GLUD1: variants seen among roughly 807,000 people sequenced by gnomAD.
GLUD1 encodes glutamate dehydrogenase 1.
GLUD1 carries 22 observed loss-of-function variants against 56.0 expected under a neutral mutation model. The observed-to-expected ratio is 0.39, with a 90% CI of 0.28 to 0.56. The LOEUF (loss-of-function observed/expected upper bound fraction) is 0.56, where lower values mean the gene tolerates loss of function less well. Ranked by LOEUF, GLUD1 falls within the 20% of genes least tolerant of loss-of-function variation. GLUD1 has a pLI of 0.58. For missense variants in GLUD1, 451 were observed against 732.0 expected, an observed-to-expected ratio of 0.62 and a Z score of 4.43; for synonymous variants, 223 against 269.9, an observed-to-expected ratio of 0.83 and a Z score of 1.70.
At chr10:87,090,310 T>C (rs1028309328) in intron 1 of GLUD1, among the ~76,000 whole-genome samples, 1 of 152,258 alleles carries the variant, frequency 6.6e-6, no homozygotes, top group African/African-American at 2.4e-5. Flanking sequence ...ACTTAAACAC[T>C]ACAAGTTGTA....
intron 1 of GLUD1, among the ~76,000 whole-genome samples, chr10:87,078,579 T>C (rs959302282): frequency 2.0e-5 from 3 of 152,198 alleles, no homozygotes; most frequent in Non-Finnish European, 4.4e-5. Flanking sequence ...GGCACTCAAA[T>C]ACATGCCGAA....
intron 1 of GLUD1, among the ~76,000 whole-genome samples, chr10:87,081,285 C>A (rs1445967844): frequency 1.3e-5 from 2 of 149,204 alleles, no homozygotes; most frequent in African/African-American, 2.5e-5. Flanking sequence ...AGTGAGGAGC[C>A]CCTCTGCCCG....
At position 87,094,203 on chromosome 10, in the gene GLUD1, G is replaced by T; in HGVS notation, c.445+122C>A. 1 of 1,398,096 alleles carries T rather than the reference G, an allele frequency of 7.2e-7. No homozygotes were observed. Among genetic ancestry groups the T allele is most frequent in the East Asian group, 2.5e-5 (1 of 39,866 alleles). 86.6% of individuals were successfully genotyped at this position (1,398,096 alleles called of 1,614,324 possible). On this transcript the variant is annotated intron_variant, in intron 1 of 12. Transcript: ENST00000277865. This position sits in a 1 kb window ranked among gnomAD's most constrained non-coding sequence, Gnocchi z 6.6. ...ATCCGAGGCGGGGTGACCCGGGCGG[G>T]GACCCGGCCCGCTCCAGCTGGGCTG...
At chr10:87,068,040 CG>C in intron 5 of GLUD1, 22 bp downstream of exon 5, 2 of 1,394,932 alleles carry the variant, frequency 1.4e-6, no homozygotes, top group Non-Finnish European at 2.0e-6. Flanking sequence ...GCAGAAGCCT[CG>C]GGGCTTCCAG....
intron 4 of GLUD1, among the ~76,000 whole-genome samples, chr10:87,070,473 C>A (rs963976813): frequency 6.6e-6 from 1 of 152,072 alleles, no homozygotes; most frequent in Non-Finnish European, 1.5e-5. Context: ...GAGGCACATG[C>A]CCATAGTCCC....
intron 1 of GLUD1, among the ~76,000 whole-genome samples, chr10:87,086,862 G>C (rs77431765): frequency 1.6e-4 from 24 of 149,638 alleles, no homozygotes; most frequent in Non-Finnish European, 3.3e-4. Context: ...GGAAAAAATT[G>C]TTTTTTCTCA....
intron 10 of GLUD1, among the ~76,000 whole-genome samples, chr10:87,058,736 C>A (rs2133791170): frequency 6.6e-6 from 1 of 152,140 alleles, no homozygotes; most frequent in East Asian, 1.9e-4. Context: ...ATTAAAAATA[C>A]AAAAATTAGC....
chr10:87,057,994 G>A (rs1441738458), intron 10 of GLUD1, among the ~76,000 whole-genome samples: 4 of 152,148 alleles, frequency 2.6e-5, no homozygotes, highest in South Asian at 2.1e-4. Flanking sequence ...TCAGCCTTGC[G>A]AGTAGCTGGG....
chr10:87,052,781 A>G (rs1845672462), intron 12 of GLUD1, among the ~76,000 whole-genome samples: 1 of 151,790 alleles, frequency 6.6e-6, no homozygotes, highest in African/African-American at 2.4e-5. Flanking sequence ...CTTTGAAAGG[A>G]TGAATTTATA....
chr10:87,086,414 TTATC>T (rs1424332956), intron 1 of GLUD1, among the ~76,000 whole-genome samples: 1 of 152,198 alleles, frequency 6.6e-6, no homozygotes, highest in African/African-American at 2.4e-5. Flanking sequence ...TCAAAATGTT[TTATC>T]TGTCTTTTCT....
At chr10:87,093,635 C>T (rs1841597946) in intron 1 of GLUD1, among the ~76,000 whole-genome samples, 1 of 152,188 alleles carries the variant, frequency 6.6e-6, no homozygotes, top group Non-Finnish European at 1.5e-5. Context: ...CAGCCTACAA[C>T]CTGTAAATTT....
intron 11 of GLUD1, among the ~76,000 whole-genome samples, chr10:87,053,839 C>A (rs1211390667): frequency 2.0e-5 from 3 of 152,254 alleles, no homozygotes; most frequent in Admixed American, 2.0e-4. Context: ...TCTGATTAAA[C>A]CCCATAGCGG....
chr10:87,079,903 CCCCTCCCCCTCCCCCTCT>C (rs1359449610), intron 1 of GLUD1, among the ~76,000 whole-genome samples: 1 of 104,986 alleles, frequency 9.5e-6, no homozygotes, highest in East Asian at 3.4e-4. Context: ...CCTCTCCCTC[CCCCTCCCCCTCCCCCTCT>C]CCCTCCCCCT....
chr10:87,060,606 A>G, intron 8 of GLUD1, 82 bp downstream of exon 8: 1 of 1,547,344 alleles, frequency 6.5e-7, no homozygotes, highest in Non-Finnish European at 8.9e-7. Flanking sequence ...AAAGAAAGAG[A>G]AAACTCAATC....
Position 87,060,735 on chromosome 10 carries a change from T to C in GLUD1, c.1150A>G (p.Ser384Gly). 6.2e-7 allele frequency: 1 copy of C among 1,614,218 alleles called. No homozygotes were observed. The highest frequency in any genetic ancestry group is 8.5e-7 in the Non-Finnish European group (1 of 1,180,036). ...ADCDILIPAA[S>G]EKQLTKSNAP... is the part of the protein sequence containing the mutation. ...TTGGATTTGGTCAACTGCTTCTCACTGGCAGCTGGGATCAGTATGTCACAG... is the reference window on the plus strand; with the variant it reads ...TTGGATTTGGTCAACTGCTTCTCACCGGCAGCTGGGATCAGTATGTCACAG... The change falls in exon 8 of 13, where the codon AGT (serine) becomes GGT (glycine). Residue 384 changes from serine (S) to glycine (G), a missense_variant. Physicochemically the swap from Ser to Gly is moderately conservative, Grantham distance 56. Coordinates refer to ENST00000277865, the MANE Select transcript of GLUD1 (RefSeq NM_005271.5).
At chr10:87,063,824 G>A (rs967808594) in intron 5 of GLUD1, among the ~76,000 whole-genome samples, 1 of 152,072 alleles carries the variant, frequency 6.6e-6, no homozygotes, top group African/African-American at 2.4e-5. Flanking sequence ...GGTTAGCTCT[G>A]CAAAGTGGAG....
chr10:87,080,706 C>G (rs1471227564), intron 1 of GLUD1, among the ~76,000 whole-genome samples: 1 of 151,366 alleles, frequency 6.6e-6, no homozygotes, highest in Non-Finnish European at 1.5e-5. Context: ...GCCCGGCAAC[C>G]GCCCCGTCTG....
chr10:87,082,941 C>T (rs755486389), intron 1 of GLUD1, among the ~76,000 whole-genome samples: 5 of 152,118 alleles, frequency 3.3e-5, no homozygotes, highest in African/African-American at 7.2e-5. Context: ...CTAAGGGACA[C>T]GAAGAGATTT....
chr10:87,094,301 G>C lies in GLUD1; in HGVS notation c.445+24C>G, dbSNP rs745444255. The C allele has an allele frequency of 6.3e-7, 1 of 1,583,810 alleles. No individual in the cohort carries two copies. Among genetic ancestry groups the C allele is most frequent in the Non-Finnish European group, 8.6e-7 (1 of 1,166,402 alleles). The stretch of plus-strand genomic sequence containing the variant: ...GGCCGCAGGGGAGGCAGGGAGGGCG[G>C]GACGGGGCCCGGCCGACGCTCACCT... On this transcript the variant is annotated intron_variant, in intron 1 of 12. Transcript: ENST00000277865. The surrounding 1 kb of genome is among the most constrained non-coding windows in gnomAD (Gnocchi z 6.6).
Sources: allele counts gnomAD v4.1 joint callset (sites outside exome capture counted in the v4.1 genomes callset), GRCh38; gene constraint gnomAD v4.1.1; non-coding constraint Gnocchi (gnomAD v3.1); transcripts MANE v1.5; gene names NCBI Gene and HGNC (gene_info 2026-07-23, HGNC 2026-07-21).